SNX29: variants seen among roughly 807,000 people sequenced by gnomAD.
SNX29 encodes sorting nexin 29.
In SNX29, 78 loss-of-function variants were observed where a neutral mutation model predicts 102.1. The ratio of observed to expected loss-of-function variants is 0.76; its 90% CI spans 0.64 to 0.92. The LOEUF (loss-of-function observed/expected upper bound fraction) is 0.92, where lower values mean the gene tolerates loss of function less well. SNX29 is among the 40% of genes least tolerant of loss of function. The pLI is 0.00. For synonymous variants in SNX29, 580 were observed against 414.5 expected, an observed-to-expected ratio of 1.40 and a Z score of -4.85; for missense variants, 1,280 against 1,061.7, an observed-to-expected ratio of 1.21 and a Z score of -2.86.
chr16:12,213,602 G>C (rs771802201), intron 14 of SNX29, among the ~76,000 whole-genome samples: 27 of 152,214 alleles, frequency 1.8e-4, no homozygotes, highest in Non-Finnish European at 3.2e-4. Flanking sequence ...ATTTAGGAGA[G>C]TGTCCAGGCT....
At chr16:12,108,312 C>T (rs367671316) in intron 11 of SNX29, among the ~76,000 whole-genome samples, 2 of 152,202 alleles carry the variant, frequency 1.3e-5, no homozygotes, top group Non-Finnish European at 2.9e-5. Context: ...GCCTGATGCC[C>T]TCCTTATGGA....
chr16:12,532,963 G>A (rs982299615), intron 20 of SNX29, among the ~76,000 whole-genome samples: 3 of 152,220 alleles, frequency 2.0e-5, no homozygotes, highest in Non-Finnish European at 2.9e-5. Context: ...CCCAGGGAGC[G>A]GGTGGCGCAG....
intron 11 of SNX29, among the ~76,000 whole-genome samples, chr16:12,125,369 C>T (rs904516473): frequency 1.3e-5 from 2 of 152,094 alleles, no homozygotes; most frequent in African/African-American, 2.4e-5. Flanking sequence ...ATTCCCACTA[C>T]CAGAGTACTG....
rs1598142299 is a variant in SNX29 at position 12,572,127 on chromosome 16, G to A, written c.*3498G>A. 1 of 1,027,820 alleles carries A rather than the reference G, an allele frequency of 9.7e-7. No homozygotes were observed. Among genetic ancestry groups the A allele is most frequent in the African/African-American group, 1.7e-5 (1 of 60,360 alleles). The allele number at this position is 1,027,820 out of a possible 1,614,324, so 63.7% of individuals were successfully genotyped here. A position where few individuals can be genotyped will look rare whatever the true frequency, so the allele number is the denominator to read the frequency against. The stretch of plus-strand genomic sequence containing the variant: ...GGGTCTGATCACAGCCCTTGGCCCT[G>A]CTTCATACTTTGGAGCTTATTAAGA... On this transcript the variant is annotated 3_prime_UTR_variant, in exon 21 of 21. Coordinates refer to ENST00000566228, the MANE Select transcript of SNX29 (RefSeq NM_032167.5).
chr16:12,436,943 A>G (rs192577912), intron 18 of SNX29, among the ~76,000 whole-genome samples: 1 of 152,300 alleles, frequency 6.6e-6, no homozygotes, highest in African/African-American at 2.4e-5. Flanking sequence ...ATGAGCCACC[A>G]CGCCCGGCCT....
chr16:12,060,464 TG>T (rs1246730089), intron 8 of SNX29, among the ~76,000 whole-genome samples: 1 of 152,130 alleles, frequency 6.6e-6, no homozygotes, highest in East Asian at 1.9e-4. Flanking sequence ...TAGCCGGGTA[TG>T]GTGGCTCACA....
At chr16:12,539,854 C>T (rs139777896) in intron 20 of SNX29, among the ~76,000 whole-genome samples, 2 of 152,170 alleles carry the variant, frequency 1.3e-5, no homozygotes, top group Admixed American at 6.5e-5. Flanking sequence ...AGTAAGTGTC[C>T]AAGTATTTTG....
intron 15 of SNX29, among the ~76,000 whole-genome samples, chr16:12,298,996 T>TAA (rs371181294): frequency 0.082 from 11,458 of 139,852 alleles, 1,172 homozygotes; most frequent in African/African-American, 0.24. Context: ...AATGAGTCTT[T>TAA]AAAAAAAAAA....
At chr16:12,089,853 CT>C in intron 11 of SNX29, 2 of 400,104 alleles carry the variant, frequency 5.0e-6, no homozygotes, top group Admixed American at 3.0e-5. Context: ...TTCACTGCTC[CT>C]TCCCTCCGCC....
intron 18 of SNX29, among the ~76,000 whole-genome samples, chr16:12,415,129 C>A (rs7192229): frequency 6.6e-6 from 1 of 151,948 alleles, no homozygotes; most frequent in Non-Finnish European, 1.5e-5. Context: ...GCTCCAAGTC[C>A]GGGCAAAAAT....
chr16:12,536,415 C>T (rs1214490202), intron 20 of SNX29, among the ~76,000 whole-genome samples: 1 of 151,928 alleles, frequency 6.6e-6, no homozygotes, highest in African/African-American at 2.4e-5. Flanking sequence ...ATGGCCTCAT[C>T]AGTAAGGAGG....
chr16:12,345,331 C>T (rs2081761933), intron 15 of SNX29, among the ~76,000 whole-genome samples: 1 of 152,158 alleles, frequency 6.6e-6, no homozygotes. Context: ...CCCTGTGGGC[C>T]TCAGTTTCCT....
At chr16:12,535,295 T>C (rs1049592649) in intron 20 of SNX29, among the ~76,000 whole-genome samples, 6 of 152,176 alleles carry the variant, frequency 3.9e-5, no homozygotes, top group Non-Finnish European at 7.3e-5. Flanking sequence ...TGTGCCACCA[T>C]GCCCAGCTAA....
chr16:12,169,598 G>A (rs751983547), intron 13 of SNX29, among the ~76,000 whole-genome samples: 1 of 152,156 alleles, frequency 6.6e-6, no homozygotes, highest in Non-Finnish European at 1.5e-5. Flanking sequence ...TGTGGCTCAC[G>A]CCTGTAATCC....
intron 19 of SNX29, among the ~76,000 whole-genome samples, chr16:12,487,229 G>A (rs1453675912): frequency 2.6e-5 from 4 of 152,226 alleles, no homozygotes; most frequent in South Asian, 2.1e-4. Context: ...GAAGTGGGGC[G>A]AGCAGACACA....
intron 3 of SNX29, among the ~76,000 whole-genome samples, chr16:12,021,904 AG>A (rs998151170): frequency 5.9e-5 from 9 of 151,746 alleles, no homozygotes; most frequent in Middle Eastern, 3.4e-3. Flanking sequence ...AAAAAAAAAA[AG>A]ATAGGACAAA....
At chr16:12,447,120 T>C (rs918181314) in intron 18 of SNX29, among the ~76,000 whole-genome samples, 1 of 124,716 alleles carries the variant, frequency 8.0e-6, no homozygotes, top group African/African-American at 3.2e-5. Flanking sequence ...TGAGCCGAGA[T>C]GGTGCCACTG....
chr16:12,296,452 A>G (rs964942638), intron 15 of SNX29, among the ~76,000 whole-genome samples: 8 of 152,238 alleles, frequency 5.3e-5, no homozygotes, highest in African/African-American at 1.9e-4. Context: ...AGCACTTCAC[A>G]TGTCTTGATC....
At chr16:12,161,099 CCTCT>C (rs1293991319) in intron 13 of SNX29, among the ~76,000 whole-genome samples, 18 of 152,326 alleles carry the variant, frequency 1.2e-4, no homozygotes, top group African/African-American at 4.3e-4. Flanking sequence ...TTTTCACCTC[CCTCT>C]ATCAGTCCCG....
Sources: allele counts gnomAD v4.1 joint callset (sites outside exome capture counted in the v4.1 genomes callset), GRCh38; gene constraint gnomAD v4.1.1; transcripts MANE v1.5; gene names NCBI Gene and HGNC (gene_info 2026-07-23, HGNC 2026-07-21).